TUSC3: variants seen among roughly 807,000 people sequenced by gnomAD.
The protein encoded by TUSC3 is dolichyl-diphosphooligosaccharide--protein glycosyltransferase subunit TUSC3.
A neutral mutation model predicts 44.8 loss-of-function variants in TUSC3; 45 were observed. The observed-to-expected ratio is 1.00, with a 90% CI of 0.79 to 1.29. TUSC3 has a LOEUF of 1.29. TUSC3 is among the 50% of genes most tolerant of loss of function. The pLI is 0.00. For missense variants in TUSC3, 519 were observed against 437.9 expected (o/e 1.19, Z -1.65); for synonymous variants, 212 against 152.9 (o/e 1.39, Z -2.85).
At chr8:15,515,991 T>A (rs1242125095) in intron 2 of TUSC3, among the ~76,000 whole-genome samples, 1 of 152,126 alleles carries the variant, frequency 6.6e-6, no homozygotes, top group Non-Finnish European at 1.5e-5. Context: ...TCTGTAAAAA[T>A]TGTTTACTAT....
At position 15,508,766 on chromosome 8, in the gene TUSC3, C is replaced by T. The variant is rs573174752; in HGVS notation, n.189+25283C>T. On this transcript the variant is annotated intron_variant and non_coding_transcript_variant, in intron 2 of 5. Coordinates refer to the TUSC3 transcript ENST00000503191. ...GTAAGCCACCGCACCTGTCCTGAAG[C>T]TTCCTTTTTAAGTGGAATAGGAAAA... Among the ~76,000 whole-genome samples the T allele has an allele frequency of 9.2e-5, 14 of 152,110 alleles. No individual in the cohort carries two copies. In the East Asian group the frequency reaches 1.7e-3, roughly 19 times the overall value.
intron 2 of TUSC3, among the ~76,000 whole-genome samples, chr8:15,515,575 A>C (rs935265900): frequency 2.0e-5 from 3 of 152,178 alleles, no homozygotes; most frequent in Non-Finnish European, 2.9e-5. Flanking sequence ...ACCAGCCTAG[A>C]GCAAAATATC....
rs1252828010 is a variant in TUSC3 at position 15,746,945 on chromosome 8, AG to A, written c.938-1429del. Among the ~76,000 whole-genome samples the A allele has an allele frequency of 2.6e-5, 4 of 152,178 alleles. No individual in the cohort carries two copies. The East Asian group carries it at 7.7e-4, about 29-fold the overall frequency. ...GTTTTTTTTATTTTATGATACTCAC[AG>A]ACTCATTTTTTGCTTTATTTTCTCC... On this transcript the variant is annotated intron_variant, in intron 8 of 10. Transcript: ENST00000503731.
chr8:15,799,359 C>G, the TUSC3 span, among the ~76,000 whole-genome samples: 2 of 152,022 alleles, frequency 1.3e-5, no homozygotes, highest in Non-Finnish European at 2.9e-5. Flanking sequence ...AGCTATAAAA[C>G]TGTTGTCAGA....
At chr8:15,681,218 CT>C (rs71211068) in intron 6 of TUSC3, among the ~76,000 whole-genome samples, 4 of 147,278 alleles carry the variant, frequency 2.7e-5, no homozygotes, top group Admixed American at 6.8e-5. Flanking sequence ...TTCCGTCCTC[CT>C]TTTTTTTTGG....
chr8:15,607,220 A>T (rs901838871), intron 1 of TUSC3, among the ~76,000 whole-genome samples: 4 of 151,960 alleles, frequency 2.6e-5, no homozygotes, highest in African/African-American at 4.8e-5. Context: ...TTTTCAGTAC[A>T]TTTTTTTCAT....
chr8:15,479,186 C>G (rs889995963), intron 1 of TUSC3, among the ~76,000 whole-genome samples: 5 of 151,858 alleles, frequency 3.3e-5, no homozygotes, highest in Non-Finnish European at 7.4e-5. Flanking sequence ...GGTATTAGAC[C>G]TTTGTCAGAT....
Position 15,456,975 on chromosome 8 carries a change from C to G in TUSC3, n.92-26411C>G, listed in dbSNP as rs113700283. 1.8e-4 allele frequency among the ~76,000 whole-genome samples: 27 copies of G among 152,172 alleles called. 2 individuals carry two copies. Among genetic ancestry groups the G allele is most frequent in the African/African-American group, 6.3e-4 (26 of 41,540 alleles). Reference sequence around the variant, plus strand: ...GAAAATAAAGACAATTCCAAGTGTACAGAAGATACTCATGTTACAGAAACT... The same window carrying G: ...GAAAATAAAGACAATTCCAAGTGTAGAGAAGATACTCATGTTACAGAAACT... On this transcript the variant is annotated intron_variant and non_coding_transcript_variant, in intron 1 of 5. Transcript: ENST00000503191.
At chr8:15,634,497 T>C (rs1377970276) in intron 2 of TUSC3, among the ~76,000 whole-genome samples, 1 of 152,200 alleles carries the variant, frequency 6.6e-6, no homozygotes. Context: ...ATATTTTGCA[T>C]GAAAGCTGGG....
intron 1 of TUSC3, among the ~76,000 whole-genome samples, chr8:15,572,574 T>A (rs940032915): frequency 1.3e-5 from 2 of 152,202 alleles, no homozygotes; most frequent in Admixed American, 6.5e-5. Flanking sequence ...TAACAACTTG[T>A]CTAACTGTTC....
the TUSC3 span, chr8:15,807,193 C>A: frequency 1.4e-6 from 1 of 740,618 alleles, no homozygotes; most frequent in Admixed American, 1.8e-5. Context: ...ATACGTCAAC[C>A]TTGCATGCTG....
chr8:15,821,804 A>C, the TUSC3 span, among the ~76,000 whole-genome samples: 46 of 152,192 alleles, frequency 3.0e-4, no homozygotes, highest in Non-Finnish European at 5.4e-4. Flanking sequence ...TTGTTCACAA[A>C]TTTTTATTGT....
At chr8:15,472,685 C>T (rs1585057484) in intron 1 of TUSC3, among the ~76,000 whole-genome samples, 1 of 152,118 alleles carries the variant, frequency 6.6e-6, no homozygotes, top group Non-Finnish European at 1.5e-5. Flanking sequence ...GCCCAAGACT[C>T]CCCAGTCTTG....
chr8:15,678,313 A>G (rs1808275914), intron 6 of TUSC3, among the ~76,000 whole-genome samples: 1 of 152,214 alleles, frequency 6.6e-6, no homozygotes, highest in African/African-American at 2.4e-5. Flanking sequence ...GTCAGGCTGG[A>G]ACACACTAAG....
intron 2 of TUSC3, among the ~76,000 whole-genome samples, chr8:15,639,782 G>GTGT (rs1554465882): frequency 7.1e-6 from 1 of 140,844 alleles, no homozygotes; most frequent in African/African-American, 2.6e-5. Context: ...CATAAGAGTC[G>GTGT]TTTTTTTTTT....
chr8:15,617,133 T>TGTGTGTGTGTGTGTGTGTGTGTG, intron 1 of TUSC3, among the ~76,000 whole-genome samples: 1 of 64,170 alleles, frequency 1.6e-5, no homozygotes. Flanking sequence ...TGTGTGTGTG[T>TGTGTGTGTGTGTGTGTGTGTGTG]ATATATTTTT....
intron 1 of TUSC3, among the ~76,000 whole-genome samples, chr8:15,551,864 T>A (rs1802071992): frequency 6.6e-6 from 1 of 151,776 alleles, no homozygotes; most frequent in South Asian, 2.1e-4. Context: ...TGAGTTAGCG[T>A]CATAGCATTT....
At chr8:15,546,128 G>T (rs2129134601) in intron 1 of TUSC3, among the ~76,000 whole-genome samples, 1 of 151,930 alleles carries the variant, frequency 6.6e-6, no homozygotes, top group East Asian at 2.0e-4. Context: ...GTGTGTATGT[G>T]TGTAACAAAT....
chr8:15,722,671 A>G (rs538326686), intron 6 of TUSC3, among the ~76,000 whole-genome samples: 2 of 152,162 alleles, frequency 1.3e-5, no homozygotes, highest in Non-Finnish European at 1.5e-5. Context: ...CTTGGGTGCA[A>G]CTTGCCACAG....
Sources: gnomAD v4.1 joint callset for allele counts (sites outside exome capture counted in the v4.1 genomes callset) on GRCh38, gnomAD v4.1.1 for gene constraint, MANE v1.5 for transcripts, NCBI Gene and HGNC (gene_info 2026-07-23, HGNC 2026-07-21) for gene names.